Variants in RAD23B observed in about 807,000 individuals in gnomAD.
RAD23B encodes lysine-specific demethylase RAD23B.
In RAD23B, 5 loss-of-function variants were observed where a neutral mutation model predicts 49.1. The ratio of observed to expected loss-of-function variants is 0.10; its 90% CI spans 0.05 to 0.21. The LOEUF (loss-of-function observed/expected upper bound fraction) is 0.21, where lower values mean the gene tolerates loss of function less well. RAD23B is among the 10% of genes least tolerant of loss of function. The pLI, the probability that RAD23B is intolerant of heterozygous loss-of-function variation, is 1.00. For synonymous variants in RAD23B, 184 were observed against 165.4 expected, an observed-to-expected ratio of 1.11 and a Z score of -0.86; for missense variants, 356 against 486.7, an observed-to-expected ratio of 0.73 and a Z score of 2.53.
Position 107,283,440 on chromosome 9 carries a change from C to A in RAD23B, c.-190C>A. ...GGGAAGGCCGCAGTCGCGGAGGCAGCGGCGCGGTCCGGGGCACGGGCTGGG... is the reference window on the plus strand; with the variant it reads ...GGGAAGGCCGCAGTCGCGGAGGCAGAGGCGCGGTCCGGGGCACGGGCTGGG... On this transcript the variant is annotated 5_prime_UTR_variant, in exon 1 of 10. Coordinates refer to ENST00000358015, the MANE Select transcript of RAD23B (RefSeq NM_002874.5). The A allele has an allele frequency of 2.3e-6, 1 of 439,490 alleles. No homozygotes were observed. The highest frequency in any genetic ancestry group is 7.3e-5 in the South Asian group (1 of 13,706). 27.2% of individuals were successfully genotyped at this position (439,490 alleles called of 1,614,324 possible).
intron 2 of RAD23B, 42 bp downstream of exon 2, chr9:107,300,264 T>C: frequency 1.3e-6 from 2 of 1,567,790 alleles, no homozygotes; most frequent in Non-Finnish European, 1.7e-6. Context: ...TGTCTTGATA[T>C]TCTTTTAGTT....
At chr9:107,322,621 A>G (rs1323302649) in intron 7 of RAD23B, among the ~76,000 whole-genome samples, 4 of 151,458 alleles carry the variant, frequency 2.6e-5, no homozygotes, top group African/African-American at 4.9e-5. Context: ...ACACATTGCT[A>G]TAGGTCTGAC....
chr9:107,319,444 G>C (rs2133092696), intron 6 of RAD23B, among the ~76,000 whole-genome samples: 1 of 152,140 alleles, frequency 6.6e-6, no homozygotes, highest in Non-Finnish European at 1.5e-5. Flanking sequence ...TTTCAAGCTT[G>C]AGAATCCGGG....
chr9:107,284,912 T>C (rs1833244509), intron 1 of RAD23B: 1 of 1,294,338 alleles, frequency 7.7e-7, no homozygotes, highest in African/African-American at 1.5e-5. Flanking sequence ...GAAGATTAGA[T>C]GGTATGTATT....
chr9:107,290,165 A>G (rs1833351633), intron 1 of RAD23B, among the ~76,000 whole-genome samples: 1 of 152,204 alleles, frequency 6.6e-6, no homozygotes, highest in South Asian at 2.1e-4. Flanking sequence ...GAAATAATCG[A>G]GACAGAATGT....
intron 1 of RAD23B, among the ~76,000 whole-genome samples, chr9:107,299,870 G>A (rs1826611603): frequency 6.6e-6 from 1 of 152,080 alleles, no homozygotes; most frequent in South Asian, 2.1e-4. Flanking sequence ...AAACTTTGAT[G>A]TTGAAAACTT....
chr9:107,298,307 G>A (rs781617288), intron 1 of RAD23B, among the ~76,000 whole-genome samples: 3 of 151,666 alleles, frequency 2.0e-5, no homozygotes, highest in Non-Finnish European at 4.4e-5. Flanking sequence ...ATATGCTTAC[G>A]TTTTATTTTA....
At chr9:107,294,216 T>C (rs1406492156) in intron 1 of RAD23B, among the ~76,000 whole-genome samples, 2 of 152,226 alleles carry the variant, frequency 1.3e-5, no homozygotes, top group Non-Finnish European at 2.9e-5. Context: ...TTTAATATTA[T>C]GTTGAGTACG....
intron 1 of RAD23B, among the ~76,000 whole-genome samples, chr9:107,284,338 G>T (rs969556234): frequency 1.3e-5 from 2 of 152,028 alleles, no homozygotes; most frequent in Non-Finnish European, 2.9e-5. Flanking sequence ...GATGGTTTTA[G>T]CTGTTAGAGC....
chr9:107,324,644 G>A (rs1827169508), intron 8 of RAD23B, among the ~76,000 whole-genome samples, 190 bp from the exon 9 acceptor site: 1 of 151,522 alleles, frequency 6.6e-6, no homozygotes, highest in Non-Finnish European at 1.5e-5. Flanking sequence ...TGTTTACTTT[G>A]CCCAAAAGTA....
At chr9:107,295,838 CAAAT>C (rs1826503613) in intron 1 of RAD23B, among the ~76,000 whole-genome samples, 1 of 152,060 alleles carries the variant, frequency 6.6e-6, no homozygotes, top group Admixed American at 6.5e-5. Flanking sequence ...TGAGTACTGA[CAAAT>C]AAATGGTGTT....
intron 9 of RAD23B, 100 bp downstream of exon 9, chr9:107,325,104 C>T: frequency 8.4e-7 from 1 of 1,187,178 alleles, no homozygotes; most frequent in Non-Finnish European, 1.2e-6. Context: ...CACCTGAGGT[C>T]AGGAGTTCAA....
intron 1 of RAD23B, among the ~76,000 whole-genome samples, chr9:107,296,982 G>T (rs1308594760): frequency 2.0e-5 from 3 of 151,612 alleles, no homozygotes; most frequent in African/African-American, 7.3e-5. Flanking sequence ...AGCCTCCCGA[G>T]TAGCTGGGAC....
At chr9:107,287,440 A>G (rs979293207) in intron 1 of RAD23B, among the ~76,000 whole-genome samples, 1 of 152,254 alleles carries the variant, frequency 6.6e-6, no homozygotes, top group Non-Finnish European at 1.5e-5. Context: ...TTAAAATTCT[A>G]CATATACATT....
At chr9:107,323,734 A>T (rs1827150479) in intron 7 of RAD23B, among the ~76,000 whole-genome samples, 156 bp from the exon 8 acceptor site, 1 of 152,204 alleles carries the variant, frequency 6.6e-6, no homozygotes, top group African/African-American at 2.4e-5. Context: ...AAGTTGGTAC[A>T]GTTGGAAGAT....
At chr9:107,311,585 T>C in intron 4 of RAD23B, 97 bp from the exon 5 acceptor site, 2 of 800,542 alleles carry the variant, frequency 2.5e-6, no homozygotes, top group Non-Finnish European at 1.9e-6. Context: ...TTAATTAAAA[T>C]CAAAGAATCT....
chr9:107,317,283 A>T (rs534643798), intron 5 of RAD23B, among the ~76,000 whole-genome samples: 42 of 152,256 alleles, frequency 2.8e-4, no homozygotes, highest in African/African-American at 9.9e-4. Context: ...GATAGGACCT[A>T]CCAGGTATGC....
chr9:107,293,153 A>G (rs896826739), intron 1 of RAD23B, among the ~76,000 whole-genome samples: 1 of 151,848 alleles, frequency 6.6e-6, no homozygotes, highest in Non-Finnish European at 1.5e-5. Flanking sequence ...ATATGTCCTC[A>G]TGACATTGTG....
chr9:107,310,474 T>C (rs1826869042), intron 4 of RAD23B, among the ~76,000 whole-genome samples: 1 of 152,164 alleles, frequency 6.6e-6, no homozygotes, highest in Non-Finnish European at 1.5e-5. Context: ...GGGAAGAAAT[T>C]GAAGTAGATT....
Sources: allele counts gnomAD v4.1 joint callset (sites outside exome capture counted in the v4.1 genomes callset), GRCh38; gene constraint gnomAD v4.1.1; transcripts MANE v1.5; gene names NCBI Gene and HGNC (gene_info 2026-07-23, HGNC 2026-07-21).